TBC1D5: variants seen among roughly 807,000 people sequenced by gnomAD.
TBC1D5 encodes TBC1 domain family, member 5.
In TBC1D5, 75 loss-of-function variants were observed where a neutral mutation model predicts 100.3. The observed-to-expected ratio is 0.75, with a 90% CI of 0.62 to 0.91. TBC1D5 has a LOEUF of 0.91. TBC1D5 is among the 40% of genes least tolerant of loss of function. The pLI, the probability that TBC1D5 is intolerant of heterozygous loss-of-function variation, is 0.00. For missense variants in TBC1D5, 910 were observed against 942.4 expected (o/e 0.97, Z 0.45); for synonymous variants, 323 against 325.6 (o/e 0.99, Z 0.09).
chr3:17,699,566 T>C (rs1197962854), intron 1 of TBC1D5, among the ~76,000 whole-genome samples: 1 of 145,760 alleles, frequency 6.9e-6, no homozygotes, highest in Non-Finnish European at 1.5e-5. Flanking sequence ...ATTTTTAAAA[T>C]TACCATAATA....
chr3:17,404,585 G>A (rs1342681281), intron 7 of TBC1D5, 109 bp downstream of exon 7: 6 of 988,524 alleles, frequency 6.1e-6, no homozygotes, highest in Non-Finnish European at 7.4e-6. Context: ...GTGGAATAAA[G>A]AAAACAGTTA....
chr3:17,721,437 A>G (rs1320099482), intron 1 of TBC1D5, among the ~76,000 whole-genome samples: 1 of 147,228 alleles, frequency 6.8e-6, no homozygotes, highest in Non-Finnish European at 1.5e-5. Context: ...ATCAAGAGAC[A>G]GAAAAGTAAG....
intron 14 of TBC1D5, among the ~76,000 whole-genome samples, chr3:17,302,196 G>T (rs533452026): frequency 2.0e-5 from 3 of 152,156 alleles, no homozygotes; most frequent in African/African-American, 7.2e-5. Flanking sequence ...CTAGCTTCTG[G>T]TAATGGCTGA....
intron 3 of TBC1D5, among the ~76,000 whole-genome samples, chr3:17,446,990 T>C (rs1419662538): frequency 1.3e-5 from 2 of 151,196 alleles, no homozygotes; most frequent in Admixed American, 1.3e-4. Context: ...AAAGACCACA[T>C]TGAAAAGCAT....
exon 22 of TBC1D5, chr3:17,157,987 G>T (rs958618985): frequency 1.3e-5 from 2 of 152,208 alleles, no homozygotes; most frequent in Admixed American, 6.5e-5. Flanking sequence ...TCTTTCTGCA[G>T]TGATATTATT....
intron 18 of TBC1D5, among the ~76,000 whole-genome samples, chr3:17,209,079 C>T (rs2072613248): frequency 6.6e-6 from 1 of 152,204 alleles, no homozygotes; most frequent in Admixed American, 6.5e-5. Flanking sequence ...TCTTTCTCCC[C>T]AGAAACAACC....
intron 1 of TBC1D5, among the ~76,000 whole-genome samples, chr3:17,681,514 AT>A (rs1236867969): frequency 2.0e-5 from 3 of 151,600 alleles, no homozygotes; most frequent in Admixed American, 2.0e-4. Flanking sequence ...TCATCTAGAG[AT>A]TTCTATTTTC....
chr3:17,504,992 T>C (rs2095829435), intron 3 of TBC1D5, among the ~76,000 whole-genome samples: 1 of 152,184 alleles, frequency 6.6e-6, no homozygotes, highest in Non-Finnish European at 1.5e-5. Flanking sequence ...AAAGGAATAC[T>C]TGGGAAAAAA....
At chr3:17,540,512 G>A (rs57487616) in intron 2 of TBC1D5, among the ~76,000 whole-genome samples, 10,512 of 151,798 alleles carry the variant, frequency 0.069, 716 homozygotes, top group African/African-American at 0.18. Context: ...TGTTAGTTTC[G>A]GGTTCATCTT....
At chr3:17,589,254 C>T (rs945495910) in intron 2 of TBC1D5, among the ~76,000 whole-genome samples, 2 of 152,196 alleles carry the variant, frequency 1.3e-5, no homozygotes, top group African/African-American at 4.8e-5. Flanking sequence ...GCTTCAAGAG[C>T]TTATCAAACC....
At chr3:17,222,207 TAC>T (rs1176835650) in intron 17 of TBC1D5, among the ~76,000 whole-genome samples, 1 of 152,210 alleles carries the variant, frequency 6.6e-6, no homozygotes, top group Non-Finnish European at 1.5e-5. Flanking sequence ...TTAGATATTT[TAC>T]AGTCTTTCTT....
At chr3:17,269,772 C>T (rs1286040643) in intron 15 of TBC1D5, among the ~76,000 whole-genome samples, 1 of 151,808 alleles carries the variant, frequency 6.6e-6, no homozygotes. Flanking sequence ...TGTGTTAAGT[C>T]ACTTAGGACT....
intron 13 of TBC1D5, among the ~76,000 whole-genome samples, chr3:17,356,075 T>C (rs2091188631): frequency 1.3e-5 from 2 of 152,112 alleles, no homozygotes; most frequent in South Asian, 4.1e-4. Flanking sequence ...AAAGTGATCA[T>C]TGTTGGTTAA....
At chr3:17,484,680 T>G (rs550872210) in intron 3 of TBC1D5, among the ~76,000 whole-genome samples, 1 of 152,068 alleles carries the variant, frequency 6.6e-6, no homozygotes, top group East Asian at 1.9e-4. Context: ...GATAGGGTCT[T>G]CCCTGTATTG....
At chr3:17,691,021 G>A (rs1424688892) in intron 1 of TBC1D5, among the ~76,000 whole-genome samples, 2 of 152,166 alleles carry the variant, frequency 1.3e-5, no homozygotes, top group Non-Finnish European at 1.5e-5. Context: ...ATAAATAAAG[G>A]AGAAACCTTA....
intron 17 of TBC1D5, among the ~76,000 whole-genome samples, chr3:17,229,095 T>C (rs1009611784): frequency 1.3e-4 from 20 of 152,090 alleles, no homozygotes; most frequent in African/African-American, 4.8e-4. Context: ...AGGTGGACAC[T>C]GGACACCCAA....
chr3:17,161,036 T>A, exon 22 of TBC1D5: 1 of 1,614,080 alleles, frequency 6.2e-7, no homozygotes, highest in Non-Finnish European at 8.5e-7. Flanking sequence ...GGAGCTGGGG[T>A]TGCTGGAGGA....
intron 2 of TBC1D5, among the ~76,000 whole-genome samples, chr3:17,538,144 C>T (rs1024646519): frequency 1.3e-5 from 2 of 152,046 alleles, no homozygotes; most frequent in African/African-American, 4.8e-5. Context: ...ACGCACACCC[C>T]CACCCCCTGT....
intron 3 of TBC1D5, among the ~76,000 whole-genome samples, chr3:17,500,885 T>C (rs1192037371): frequency 6.7e-6 from 1 of 149,616 alleles, no homozygotes; most frequent in East Asian, 1.9e-4. Flanking sequence ...TAACTCATGG[T>C]CTTTCAAACT....
Sources: allele counts gnomAD v4.1 joint callset (sites outside exome capture counted in the v4.1 genomes callset), GRCh38; gene constraint gnomAD v4.1.1; transcripts MANE v1.5; gene names NCBI Gene and HGNC (gene_info 2026-07-23, HGNC 2026-07-21).